The following KLF12 variants were observed in gnomAD, a reference collection of about 807,000 sequenced individuals.
KLF12 encodes Krueppel-like factor 12.
A neutral mutation model predicts 37.8 loss-of-function variants in KLF12; 9 were observed. That is an observed-to-expected ratio of 0.24 (90% CI 0.14 to 0.42). The LOEUF is 0.42. KLF12 is among the 10% of genes least tolerant of loss of function. KLF12 has a pLI of 1.00. For synonymous variants in KLF12, 208 were observed against 202.1 expected (o/e 1.03, Z -0.25); for missense variants, 411 against 516.0 (o/e 0.80, Z 1.97).
At chr13:74,286,245 A>C in the KLF12 span, among the ~76,000 whole-genome samples, 1 of 152,178 alleles carries the variant, frequency 6.6e-6, no homozygotes, top group Non-Finnish European at 1.5e-5. Flanking sequence ...GATGTGAGGT[A>C]ATGTATACAA....
At chr13:74,163,669 G>A in the KLF12 span, among the ~76,000 whole-genome samples, 1 of 151,918 alleles carries the variant, frequency 6.6e-6, no homozygotes, top group Admixed American at 6.6e-5. Flanking sequence ...AGCACAATAG[G>A]GTGACTATAG....
chr13:74,214,640 A>G, the KLF12 span, among the ~76,000 whole-genome samples: 3 of 141,602 alleles, frequency 2.1e-5, no homozygotes, highest in Non-Finnish European at 4.5e-5. Flanking sequence ...CTCTGATTTC[A>G]GATTTTTTTT....
At chr13:74,233,137 C>G in the KLF12 span, among the ~76,000 whole-genome samples, 1 of 152,182 alleles carries the variant, frequency 6.6e-6, no homozygotes, top group Non-Finnish European at 1.5e-5. Context: ...CCTACCTTGG[C>G]CTCCCAAAGT....
the KLF12 span, among the ~76,000 whole-genome samples, chr13:74,239,172 T>G: frequency 1.3e-5 from 2 of 150,032 alleles, no homozygotes; most frequent in African/African-American, 4.9e-5. Flanking sequence ...AAGAACATCT[T>G]TATTTCTGCC....
chr13:73,986,931 A>C (rs1158423929), intron 2 of KLF12, among the ~76,000 whole-genome samples: 1 of 151,710 alleles, frequency 6.6e-6, no homozygotes, highest in Non-Finnish European at 1.5e-5. Context: ...CTGTAAGATA[A>C]ATTTGTGTTT....
At chr13:73,789,279 T>C (rs1449917291) in intron 5 of KLF12, among the ~76,000 whole-genome samples, 2 of 152,212 alleles carry the variant, frequency 1.3e-5, no homozygotes, top group African/African-American at 2.4e-5. Context: ...CTCCATGTTA[T>C]CTGGACTTCA....
chr13:74,087,979 G>A (rs1875415889), intron 1 of KLF12, among the ~76,000 whole-genome samples: 1 of 151,976 alleles, frequency 6.6e-6, no homozygotes, highest in African/African-American at 2.4e-5. Flanking sequence ...CATGACCCAG[G>A]TTAGTTCTAC....
At chr13:74,197,130 C>A in the KLF12 span, among the ~76,000 whole-genome samples, 1 of 152,030 alleles carries the variant, frequency 6.6e-6, no homozygotes, top group Non-Finnish European at 1.5e-5. Context: ...TTTACAGCAA[C>A]TTTCCAGTAC....
At chr13:74,082,163 T>TAACAAAA (rs1555270351) in intron 1 of KLF12, among the ~76,000 whole-genome samples, 1 of 114,758 alleles carries the variant, frequency 8.7e-6, no homozygotes, top group African/African-American at 3.5e-5. Context: ...CCCTGTCTCT[T>TAACAAAA]AAAAAAAAAA....
At chr13:73,696,331 CA>C (rs1874148820) in intron 7 of KLF12, among the ~76,000 whole-genome samples, 1 of 152,150 alleles carries the variant, frequency 6.6e-6, no homozygotes, top group African/African-American at 2.4e-5. Context: ...GAGAAATCAT[CA>C]CGTTGGTCCT....
At chr13:74,123,904 T>C (rs1288415058) in intron 1 of KLF12, among the ~76,000 whole-genome samples, 1 of 152,214 alleles carries the variant, frequency 6.6e-6, no homozygotes, top group Non-Finnish European at 1.5e-5. Context: ...CTGATTTTAG[T>C]GTTCTCATCA....
intron 1 of KLF12, among the ~76,000 whole-genome samples, chr13:74,030,814 G>T (rs1006340753): frequency 6.6e-6 from 1 of 152,012 alleles, no homozygotes; most frequent in African/African-American, 2.4e-5. Context: ...TTTGACTCTT[G>T]ATGTACCCCC....
intron 7 of KLF12, among the ~76,000 whole-genome samples, chr13:73,699,741 T>C (rs1417942686): frequency 2.0e-5 from 3 of 152,164 alleles, no homozygotes; most frequent in Non-Finnish European, 4.4e-5. Context: ...GAAGCTGAGA[T>C]GTTTGGAACT....
At chr13:73,732,644 C>A (rs7984092) in intron 6 of KLF12, among the ~76,000 whole-genome samples, 2 of 151,908 alleles carry the variant, frequency 1.3e-5, no homozygotes, top group Admixed American at 6.6e-5. Flanking sequence ...GAGCTCAGTC[C>A]TCCAGCCGTT....
At chr13:74,209,492 T>C in the KLF12 span, among the ~76,000 whole-genome samples, 1 of 150,342 alleles carries the variant, frequency 6.7e-6, no homozygotes, top group Non-Finnish European at 1.5e-5. Flanking sequence ...AAAATTTTTG[T>C]ATAAAAGAAT....
At chr13:73,776,394 G>T (rs1173601279) in intron 5 of KLF12, among the ~76,000 whole-genome samples, 1 of 152,172 alleles carries the variant, frequency 6.6e-6, no homozygotes, top group African/African-American at 2.4e-5. Flanking sequence ...TTTATTTCAG[G>T]CCTTGGCATC....
the KLF12 span, among the ~76,000 whole-genome samples, chr13:74,197,236 T>C: frequency 1.3e-5 from 2 of 152,250 alleles, no homozygotes; most frequent in African/African-American, 4.8e-5. Context: ...CTTGATTTTC[T>C]AGTTTCTTTT....
At chr13:74,166,649 C>G in the KLF12 span, among the ~76,000 whole-genome samples, 1 of 152,128 alleles carries the variant, frequency 6.6e-6, no homozygotes, top group Non-Finnish European at 1.5e-5. Flanking sequence ...ATTTTTATTA[C>G]TTATTTTCTC....
At chr13:74,104,518 T>G (rs1014030942) in intron 1 of KLF12, among the ~76,000 whole-genome samples, 27 of 152,358 alleles carry the variant, frequency 1.8e-4, no homozygotes, top group African/African-American at 6.3e-4. Context: ...CACTGTATTT[T>G]TCTCCTGCTC....
Sources: gnomAD v4.1 joint callset for allele counts (sites outside exome capture counted in the v4.1 genomes callset) on GRCh38, gnomAD v4.1.1 for gene constraint, MANE v1.5 for transcripts, NCBI Gene and HGNC (gene_info 2026-07-23, HGNC 2026-07-21) for gene names.